HTR4: variants seen among roughly 807,000 people sequenced by gnomAD.
HTR4 encodes 5-hydroxytryptamine (serotonin) receptor 4, G protein-coupled.
Under a neutral mutation model 36.8 loss-of-function variants are expected in HTR4, and 16 were observed. That is an observed-to-expected ratio of 0.43 (90% CI 0.29 to 0.66). The LOEUF (loss-of-function observed/expected upper bound fraction) is 0.66, where lower values mean the gene tolerates loss of function less well. HTR4 is among the 30% of genes least tolerant of loss of function. The probability of loss-of-function intolerance (pLI) is 0.13; values close to 1 mark genes in which losing one functional copy is unlikely to be tolerated. For synonymous variants in HTR4, 189 were observed against 185.1 expected, an observed-to-expected ratio of 1.02 and a Z score of -0.17; for missense variants, 438 against 490.9, an observed-to-expected ratio of 0.89 and a Z score of 1.02.
At chr5:148,610,402 C>A (rs988585252) in intron 2 of HTR4, among the ~76,000 whole-genome samples, 3 of 152,204 alleles carry the variant, frequency 2.0e-5, no homozygotes, top group African/African-American at 7.2e-5. Flanking sequence ...GGGAGGCACC[C>A]TCCAGCAGGG....
intron 2 of HTR4, among the ~76,000 whole-genome samples, chr5:148,594,259 G>A (rs1561639669): frequency 1.3e-5 from 2 of 152,040 alleles, no homozygotes. Context: ...AAGGCGAACT[G>A]AGTTGTTAGA....
downstream of HTR4, among the ~76,000 whole-genome samples, chr5:148,471,996 A>G (rs1755579591): frequency 6.6e-6 from 1 of 152,142 alleles, no homozygotes; most frequent in South Asian, 2.1e-4. Context: ...TGTCCGTGTG[A>G]TGCTTTCTTA....
At chr5:148,617,188 T>C (rs183990968) in intron 2 of HTR4, among the ~76,000 whole-genome samples, 3 of 152,298 alleles carry the variant, frequency 2.0e-5, no homozygotes, top group Admixed American at 2.0e-4. Context: ...TAGTGAGTGA[T>C]TTCTCACGAG....
intron 2 of HTR4, among the ~76,000 whole-genome samples, chr5:148,611,306 C>A (rs1485612831): frequency 6.6e-6 from 1 of 151,848 alleles, no homozygotes; most frequent in Non-Finnish European, 1.5e-5. Context: ...AAAGGGAAGC[C>A]CATCAGACTA....
chr5:148,528,380 T>C (rs1245791605), intron 4 of HTR4, among the ~76,000 whole-genome samples: 4 of 152,200 alleles, frequency 2.6e-5, no homozygotes, highest in Non-Finnish European at 5.9e-5. Context: ...CTTAACTTTA[T>C]GTGCTGAAGA....
intron 5 of HTR4, among the ~76,000 whole-genome samples, chr5:148,463,969 G>A (rs1028632244): frequency 7.0e-6 from 1 of 143,846 alleles, no homozygotes; most frequent in Non-Finnish European, 1.5e-5. Context: ...AGAAGCACAG[G>A]CAATACAAGG....
chr5:148,493,888 C>T (rs569693162), intron 6 of HTR4, among the ~76,000 whole-genome samples: 6 of 152,220 alleles, frequency 3.9e-5, no homozygotes, highest in South Asian at 4.1e-4. Flanking sequence ...ATGAGGTAAA[C>T]GTTGAATACA....
At chr5:148,475,175 T>C (rs988801822), downstream of HTR4, among the ~76,000 whole-genome samples, 2 of 152,310 alleles carry the variant, frequency 1.3e-5, no homozygotes, top group African/African-American at 2.4e-5. Context: ...GCTATCATAA[T>C]TTTATTTAAA....
At chr5:148,480,171 A>G (rs1755831734), downstream of HTR4, among the ~76,000 whole-genome samples, 4 of 152,264 alleles carry the variant, frequency 2.6e-5, no homozygotes, top group South Asian at 4.1e-4. Flanking sequence ...ATCTTATTCC[A>G]TGTTACTTTG....
intron 1 of HTR4, among the ~76,000 whole-genome samples, chr5:148,648,496 G>T (rs549032927): frequency 4.1e-4 from 63 of 152,286 alleles, no homozygotes; most frequent in African/African-American, 1.5e-3. Flanking sequence ...CAATGTGCAG[G>T]AACCTCAAAA....
intron 2 of HTR4, among the ~76,000 whole-genome samples, chr5:148,618,644 TC>T (rs5872087): frequency 0.14 from 20,945 of 152,150 alleles, 1,936 homozygotes; most frequent in East Asian, 0.34. Flanking sequence ...TATTCCACCA[TC>T]CTTTGTTGAT....
At position 148,482,182 on chromosome 5, in the gene HTR4, C is replaced by T. The variant is rs925914298; in HGVS notation, c.*1021G>A. On this transcript the variant is annotated 3_prime_UTR_variant, in exon 7 of 7. Transcript: ENST00000377888. ...CCCCAGTGCTGCTGGATCCTGCCCTCCTGCACCTTGGGGGAGCTGCAGGGG... is the reference window on the plus strand; with the variant it reads ...CCCCAGTGCTGCTGGATCCTGCCCTTCTGCACCTTGGGGGAGCTGCAGGGG... The T allele has an allele frequency of 8.1e-6, 8 of 985,460 alleles. No individual in the cohort carries two copies. The African/African-American group carries it at 1.4e-4, about 17-fold the overall frequency. 61.0% of individuals were successfully genotyped at this position (985,460 alleles called of 1,614,324 possible).
intron 1 of HTR4, among the ~76,000 whole-genome samples, chr5:148,638,176 CTG>C (rs1045043169): frequency 2.0e-5 from 3 of 152,156 alleles, no homozygotes; most frequent in African/African-American, 7.2e-5. Context: ...CCTCGACTCT[CTG>C]TGTTTTTCGA....
intron 1 of HTR4, 137 bp downstream of exon 1, chr5:148,653,925 C>A: frequency 2.3e-6 from 1 of 432,456 alleles, no homozygotes; most frequent in Non-Finnish European, 3.1e-6. Flanking sequence ...CGAAGCCCAC[C>A]CTGCCGCAAA....
At chr5:148,544,257 T>C (rs1561609042) in intron 4 of HTR4, among the ~76,000 whole-genome samples, 1 of 151,126 alleles carries the variant, frequency 6.6e-6, no homozygotes, top group Non-Finnish European at 1.5e-5. Context: ...CTCTCTCTCT[T>C]TCTTTCTCTC....
intron 2 of HTR4, among the ~76,000 whole-genome samples, chr5:148,614,933 C>T (rs1301883847): frequency 1.3e-5 from 2 of 152,068 alleles, no homozygotes; most frequent in South Asian, 4.1e-4. Context: ...TGAAAAAATG[C>T]TCACCATCAC....
chr5:148,607,515 T>C (rs1460818869), intron 2 of HTR4, among the ~76,000 whole-genome samples: 1 of 152,174 alleles, frequency 6.6e-6, no homozygotes, highest in East Asian at 1.9e-4. Context: ...TCATTTCCAC[T>C]TTCTTTTCCT....
At chr5:148,543,996 C>T (rs1047518629) in intron 4 of HTR4, among the ~76,000 whole-genome samples, 1 of 152,108 alleles carries the variant, frequency 6.6e-6, no homozygotes, top group African/African-American at 2.4e-5. Flanking sequence ...AGGAATGTGC[C>T]ATTCTAGCAA....
chr5:148,588,445 G>A (rs902830993), intron 2 of HTR4, among the ~76,000 whole-genome samples: 20 of 151,358 alleles, frequency 1.3e-4, no homozygotes, highest in African/African-American at 4.9e-4. Context: ...GGAAGAAAAA[G>A]CCTTTACTGC....
Sources: allele counts gnomAD v4.1 joint callset (sites outside exome capture counted in the v4.1 genomes callset), GRCh38; gene constraint gnomAD v4.1.1; transcripts MANE v1.5; gene names NCBI Gene and HGNC (gene_info 2026-07-23, HGNC 2026-07-21).